The following CBFA2T2 variants were observed in gnomAD, a reference collection of about 807,000 sequenced individuals.
The protein encoded by CBFA2T2 is protein CBFA2T2.
Under a neutral mutation model 62.2 loss-of-function variants are expected in CBFA2T2, and 11 were observed. The ratio of observed to expected loss-of-function variants is 0.18; its 90% CI spans 0.11 to 0.29. The LOEUF (loss-of-function observed/expected upper bound fraction) is 0.29. CBFA2T2 is among the 10% of genes least tolerant of loss of function. The pLI, the probability that CBFA2T2 is intolerant of heterozygous loss-of-function variation, is 1.00. For synonymous variants in CBFA2T2, 295 were observed against 287.5 expected, an observed-to-expected ratio of 1.03 and a Z score of -0.27; for missense variants, 592 against 774.1, an observed-to-expected ratio of 0.76 and a Z score of 2.79.
chr20:33,542,722 A>C (rs573769330), intron 1 of CBFA2T2, among the ~76,000 whole-genome samples: 1 of 152,174 alleles, frequency 6.6e-6, no homozygotes, highest in Admixed American at 6.6e-5. Flanking sequence ...TGGAGGCTGG[A>C]GTGTGGTGGC....
intron 1 of CBFA2T2, among the ~76,000 whole-genome samples, chr20:33,570,428 T>A (rs2013510226): frequency 6.6e-6 from 1 of 152,140 alleles, no homozygotes; most frequent in Non-Finnish European, 1.5e-5. Context: ...ATTTGAAGAG[T>A]TTTTTTCAGA....
chr20:33,629,894 G>A lies in CBFA2T2; in HGVS notation c.1208G>A (p.Ser403Asn), dbSNP rs770528859. Reference sequence around the variant, plus strand: ...GTCTCCAGGCAGCACAGCCCTGGGAGTGCAGATTCTCTCAGCAATGGTAAG... The same window carrying A: ...GTCTCCAGGCAGCACAGCCCTGGGAATGCAGATTCTCTCAGCAATGGTAAG... ...ELVSRQHSPG[S>N]ADSLSNDSQR... Residue 403 changes from serine (S) to asparagine (N), a missense_variant, in exon 8 of 11, where the codon AGT (serine) becomes AAT (asparagine). Ser to Asn is a conservative substitution (Grantham distance 46). Around this residue, in one of 3 missense-constraint regions of CBFA2T2, gnomAD observed 449 missense variants for 551.2 expected, o/e 0.81. Transcript: ENST00000342704. 2 of 1,612,816 alleles carry A rather than the reference G, an allele frequency of 1.2e-6. No homozygotes were observed. The highest frequency in any genetic ancestry group is 4.5e-5 in the East Asian group (2 of 44,872).
chr20:33,544,950 T>C (rs209662), intron 1 of CBFA2T2, among the ~76,000 whole-genome samples: 9,966 of 29,952 alleles, frequency 0.33, 976 homozygotes, highest in Admixed American at 0.45. Flanking sequence ...TAGAACAGAA[T>C]AGAATAGAAT....
intron 1 of CBFA2T2, among the ~76,000 whole-genome samples, chr20:33,568,732 G>A (rs771393203): frequency 3.9e-5 from 6 of 152,204 alleles, no homozygotes; most frequent in Non-Finnish European, 8.8e-5. Flanking sequence ...GCAGGTGACT[G>A]TTATTGGCCC....
At position 33,490,175 on chromosome 20, in the gene CBFA2T2, G is replaced by A; in HGVS notation, c.-93G>A. 5.1e-6 allele frequency: 6 copies of A among 1,178,774 alleles called. No homozygotes were observed. The highest frequency in any genetic ancestry group is 6.3e-6 in the Non-Finnish European group (6 of 949,126). 73.0% of individuals were successfully genotyped at this position (1,178,774 alleles called of 1,614,324 possible). A position where few individuals can be genotyped will look rare whatever the true frequency, so the allele number is the denominator to read the frequency against. ...CTGCAGATCTCGCGGCGACGCCTGC[G>A]AGGGACCCGGGCCGCGGGTCGAGGC... On this transcript the variant is annotated 5_prime_UTR_variant, in exon 1 of 11. Transcript: ENST00000342704.
chr20:33,596,659 C>T lies in CBFA2T2; in HGVS notation c.35-10297C>T, dbSNP rs375681053. On this transcript the variant is annotated intron_variant, in intron 1 of 10. Coordinates refer to ENST00000342704, the MANE Select transcript of CBFA2T2 (RefSeq NM_001032999.3). ...GTAAGATACCTGTTCTCAGGCTTTCCGTAGAATCTATATGCCATTATTTGA... is the reference window on the plus strand; with the variant it reads ...GTAAGATACCTGTTCTCAGGCTTTCTGTAGAATCTATATGCCATTATTTGA... Among the ~76,000 whole-genome samples, 21 of 152,238 alleles carry T rather than the reference C, an allele frequency of 1.4e-4. 1 individual carries two copies. In the South Asian group the frequency reaches 3.7e-3, roughly 27 times the overall value.
intron 4 of CBFA2T2, among the ~76,000 whole-genome samples, chr20:33,622,339 G>A (rs969868091): frequency 3.9e-5 from 6 of 152,154 alleles, no homozygotes; most frequent in African/African-American, 9.7e-5. Context: ...CCTTTCACTT[G>A]CTCATCTGTC....
At chr20:33,600,579 T>C (rs145555949) in intron 1 of CBFA2T2, 135 of 290,444 alleles carry the variant, frequency 4.6e-4, no homozygotes, top group African/African-American at 3.0e-3. Context: ...GGAAATCTTT[T>C]CCCTGATTTT....
intron 1 of CBFA2T2, among the ~76,000 whole-genome samples, chr20:33,536,512 G>T (rs1485854524): frequency 2.0e-5 from 3 of 151,494 alleles, no homozygotes; most frequent in Admixed American, 2.0e-4. Context: ...GTGGCTGCTG[G>T]GTGGAGACAC....
At chr20:33,556,407 A>G (rs1349107464) in intron 1 of CBFA2T2, among the ~76,000 whole-genome samples, 1 of 152,188 alleles carries the variant, frequency 6.6e-6, no homozygotes, top group African/African-American at 2.4e-5. Context: ...AGTGTGTCTC[A>G]ATATTAGTGA....
At chr20:33,643,799 A>G (rs2016943016) in intron 10 of CBFA2T2, among the ~76,000 whole-genome samples, 3 of 25,114 alleles carry the variant, frequency 1.2e-4, no homozygotes, top group African/African-American at 5.7e-4. Context: ...ATATATATAT[A>G]TATATATATA....
At chr20:33,567,942 G>A (rs1363034398) in intron 1 of CBFA2T2, among the ~76,000 whole-genome samples, 1 of 152,156 alleles carries the variant, frequency 6.6e-6, no homozygotes, top group Non-Finnish European at 1.5e-5. Context: ...TATATATAGG[G>A]TTTGGTACTG....
intron 1 of CBFA2T2, among the ~76,000 whole-genome samples, chr20:33,522,013 G>A (rs1444652425): frequency 6.6e-6 from 1 of 151,834 alleles, no homozygotes; most frequent in African/African-American, 2.4e-5. Context: ...ATAGTTTATG[G>A]CAGGGAAGAT....
At chr20:33,536,302 A>G (rs1262611708) in intron 1 of CBFA2T2, among the ~76,000 whole-genome samples, 1 of 120,480 alleles carries the variant, frequency 8.3e-6, no homozygotes, top group African/African-American at 3.2e-5. Flanking sequence ...CGGGGGGCTG[A>G]CCCCCCCCAC....
chr20:33,571,307 A>G (rs1314122779), intron 1 of CBFA2T2, among the ~76,000 whole-genome samples: 2 of 152,138 alleles, frequency 1.3e-5, no homozygotes, highest in African/African-American at 2.4e-5. Flanking sequence ...ACTTTATTCT[A>G]TTTTCTCACA....
chr20:33,597,228 G>A (rs563466719), intron 1 of CBFA2T2, among the ~76,000 whole-genome samples: 1 of 151,996 alleles, frequency 6.6e-6, no homozygotes, highest in South Asian at 2.1e-4. Context: ...CACTGTACCC[G>A]GCCTTTTGAC....
chr20:33,631,760 G>A (rs544498385), intron 8 of CBFA2T2, among the ~76,000 whole-genome samples: 12 of 152,306 alleles, frequency 7.9e-5, no homozygotes, highest in Non-Finnish European at 1.6e-4. Flanking sequence ...AGGCAATCTG[G>A]ATGATAAGTT....
At chr20:33,625,099 A>AT in intron 6 of CBFA2T2, 82 bp downstream of exon 6, 96 of 1,399,080 alleles carry the variant, frequency 6.9e-5, no homozygotes, top group Non-Finnish European at 8.2e-5. Context: ...AAATAATATG[A>AT]TTGCTTTTTC....
At chr20:33,506,782 C>T (rs1037959452) in intron 1 of CBFA2T2, among the ~76,000 whole-genome samples, 1 of 152,172 alleles carries the variant, frequency 6.6e-6, no homozygotes, top group African/African-American at 2.4e-5. Flanking sequence ...ATCCATGCCC[C>T]AGAGCCACTG....
Sources: gnomAD v4.1 joint callset for allele counts (sites outside exome capture counted in the v4.1 genomes callset) on GRCh38, gnomAD v4.1.1 for gene constraint, gnomAD v4.1.1 regional missense constraint, MANE v1.5 for transcripts, NCBI Gene and HGNC (gene_info 2026-07-23, HGNC 2026-07-21) for gene names.